The following PDE7B variants were observed in gnomAD, a reference collection of about 807,000 sequenced individuals.
The protein encoded by PDE7B is phosphodiesterase 7B, also known as 3',5'-cyclic-AMP phosphodiesterase 7B.
In PDE7B, 29 loss-of-function variants were observed where a neutral mutation model predicts 56.2. The ratio of observed to expected loss-of-function variants is 0.52; its 90% CI spans 0.38 to 0.70. The LOEUF (loss-of-function observed/expected upper bound fraction) is 0.70. Among genes scored for constraint, PDE7B ranks in the 30% least tolerant of loss-of-function variants. PDE7B has a pLI of 0.00. For synonymous variants in PDE7B, 197 were observed against 196.9 expected, an observed-to-expected ratio of 1.00 and a Z score of 0.00; for missense variants, 490 against 565.0, an observed-to-expected ratio of 0.87 and a Z score of 1.35.
In PDE7B at chr6:136,078,766, T is replaced by A. The variant is rs115052414; in HGVS notation, c.83-29965T>A. ...TATATTTAGAAAGTACATATACATTTTAAACTTAATAATGTTGAAAGATAT... is the reference window on the plus strand; with the variant it reads ...TATATTTAGAAAGTACATATACATTATAAACTTAATAATGTTGAAAGATAT... On this transcript the variant is annotated intron_variant, in intron 2 of 12. Transcript: ENST00000308191. Among the ~76,000 whole-genome samples, 903 of 152,208 alleles carry A rather than the reference T, an allele frequency of 5.9e-3. 11 individuals are homozygous for A. The highest frequency in any genetic ancestry group is 0.021 in the African/African-American group (860 of 41,518).
chr6:136,005,389 A>C (rs1037519999), intron 2 of PDE7B, among the ~76,000 whole-genome samples: 1 of 152,116 alleles, frequency 6.6e-6, no homozygotes, highest in African/African-American at 2.4e-5. Flanking sequence ...CTGCACAGCA[A>C]AAGAAACTAC....
In PDE7B at chr6:136,171,264, G is replaced by T. The variant is rs544424305; in HGVS notation, c.712-2533G>T. ...AGGACAGGAATGTTAAGATAATTGA[G>T]CAAGGAAGCAATTGTAGATTCCAAC... On this transcript the variant is annotated intron_variant, in intron 8 of 12. Transcript: ENST00000308191. Among the ~76,000 whole-genome samples, 178 of 152,264 alleles carry T rather than the reference G, an allele frequency of 1.2e-3. 1 individual carries two copies. Among genetic ancestry groups the T allele is most frequent in the African/African-American group, 4.1e-3 (170 of 41,558 alleles).
At chr6:136,103,947 G>A (rs1777605016) in intron 2 of PDE7B, among the ~76,000 whole-genome samples, 1 of 152,166 alleles carries the variant, frequency 6.6e-6, no homozygotes, top group South Asian at 2.1e-4. Flanking sequence ...CTCTTTGCCA[G>A]TTACATAAGA....
chr6:136,096,269 C>T (rs1311099155), intron 2 of PDE7B: 1 of 152,140 alleles, frequency 6.6e-6, no homozygotes, highest in Non-Finnish European at 1.5e-5. Context: ...TCTTTTCTTG[C>T]AGTATTTGGC....
chr6:135,947,473 G>A lies in PDE7B; in HGVS notation c.31G>A (p.Glu11Lys), dbSNP rs574015160. 6.8e-6 allele frequency: 11 copies of A among 1,611,812 alleles called. No individual in the cohort carries two copies. The highest frequency in any genetic ancestry group is 3.3e-5 in the Admixed American group (2 of 59,952). Reference sequence around the variant, plus strand: ...TATCTTTCTATTTCAGAGGTGTGGCGAAATCTTGTTTGAGAACCCCGATCA... The same window carrying A: ...TATCTTTCTATTTCAGAGGTGTGGCAAAATCTTGTTTGAGAACCCCGATCA... MSCLMVERCGEILFENPDQNA... is the reference protein window; with the variant it reads MSCLMVERCGKILFENPDQNA... The change falls in exon 2 of 13, where the codon GAA (glutamate) becomes AAA (lysine). Residue 11 changes from glutamate to lysine, a missense_variant. By Grantham distance (56) the Glu-to-Lys change is moderately conservative. Coordinates refer to ENST00000308191, the MANE Select transcript of PDE7B (RefSeq NM_018945.4).
chr6:136,012,466 AC>A (rs1245917544), intron 2 of PDE7B, among the ~76,000 whole-genome samples: 1 of 152,232 alleles, frequency 6.6e-6, no homozygotes, highest in African/African-American at 2.4e-5. Flanking sequence ...TACTCATTTT[AC>A]TAATACAACC....
At position 135,925,229 on chromosome 6, in the gene PDE7B, AGT is replaced by A. The variant is rs1450335444; in HGVS notation, c.22-22234_22-22233del. Among the ~76,000 whole-genome samples, 7 of 152,286 alleles carry A rather than the reference AGT, an allele frequency of 4.6e-5. No individual in the cohort carries two copies. The South Asian group carries it at 1.5e-3, about 32-fold the overall frequency. On this transcript the variant is annotated intron_variant, in intron 1 of 12. Transcript: ENST00000308191. Reference sequence around the variant, plus strand: ...ACTGCCAAGGGTTCAACTTGGAAAGAGTCAGTAACAGGGTCCTCAGGCAGTTT... The same window carrying A: ...ACTGCCAAGGGTTCAACTTGGAAAGACAGTAACAGGGTCCTCAGGCAGTTT...
chr6:136,019,927 A>G (rs1776042475), intron 2 of PDE7B, among the ~76,000 whole-genome samples: 1 of 152,168 alleles, frequency 6.6e-6, no homozygotes, highest in African/African-American at 2.4e-5. Flanking sequence ...GAAGGGGGAA[A>G]TTTGTTGTCT....
chr6:135,900,056 T>G (rs1425866169), intron 1 of PDE7B, among the ~76,000 whole-genome samples: 1 of 152,194 alleles, frequency 6.6e-6, no homozygotes, highest in East Asian at 1.9e-4. Context: ...TGTCTAAAGT[T>G]AGTCTGACAT....
At chr6:136,144,765 C>T (rs1279138278) in intron 3 of PDE7B, among the ~76,000 whole-genome samples, 1 of 151,968 alleles carries the variant, frequency 6.6e-6, no homozygotes, top group East Asian at 1.9e-4. Flanking sequence ...GTGAAGTGTC[C>T]TTCAACAATT....
rs531690825 is a variant in PDE7B at position 135,943,632 on chromosome 6, C to T, written c.22-3832C>T. 7.9e-5 allele frequency among the ~76,000 whole-genome samples: 12 copies of T among 152,224 alleles called. No individual in the cohort carries two copies. In the East Asian group the frequency reaches 1.5e-3, roughly 20 times the overall value. On this transcript the variant is annotated intron_variant, in intron 1 of 12. Transcript: ENST00000308191. ...TCTACTCTGCTAAAAGAGTACAATGCGAGTGTGAAAAGTAGAGGCACAGCA... is the reference window on the plus strand; with the variant it reads ...TCTACTCTGCTAAAAGAGTACAATGTGAGTGTGAAAAGTAGAGGCACAGCA...
intron 6 of PDE7B, 62 bp downstream of exon 6, chr6:136,151,317 C>T: frequency 1.2e-6 from 1 of 823,376 alleles, no homozygotes; most frequent in South Asian, 1.4e-5. Context: ...GCATAATACT[C>T]TTTAATATAA....
intron 3 of PDE7B, among the ~76,000 whole-genome samples, chr6:136,138,184 A>G (rs1444617521): frequency 6.6e-6 from 1 of 152,156 alleles, no homozygotes; most frequent in African/African-American, 2.4e-5. Flanking sequence ...TTAGCGAGCT[A>G]TCTGTAAGAT....
intron 2 of PDE7B, among the ~76,000 whole-genome samples, chr6:136,079,297 C>T (rs777053463): frequency 1.1e-4 from 17 of 152,138 alleles, no homozygotes; most frequent in Non-Finnish European, 2.1e-4. Context: ...TTTGAAAAAC[C>T]GTCACTTTAT....
chr6:136,139,162 T>C (rs369149196), intron 3 of PDE7B, among the ~76,000 whole-genome samples: 1 of 152,110 alleles, frequency 6.6e-6, no homozygotes, highest in Admixed American at 6.5e-5. Context: ...ATGTTCGCCC[T>C]CCTGTGTCCA....
intron 5 of PDE7B, 136 bp from the exon 6 acceptor site, chr6:136,151,024 T>C (rs1189445426): frequency 5.2e-6 from 3 of 572,062 alleles, no homozygotes; most frequent in Non-Finnish European, 9.2e-6. Context: ...GCTCTATCCT[T>C]GAATAATTTC....
At chr6:136,099,622 TG>T (rs1269778980) in intron 2 of PDE7B, among the ~76,000 whole-genome samples, 10 of 152,320 alleles carry the variant, frequency 6.6e-5, no homozygotes, top group African/African-American at 1.9e-4. Flanking sequence ...TTGATGGGGT[TG>T]TTTTTTTTCT....
At chr6:136,023,295 A>T (rs1382865778) in intron 2 of PDE7B, among the ~76,000 whole-genome samples, 1 of 152,204 alleles carries the variant, frequency 6.6e-6, no homozygotes. Flanking sequence ...AGATCCCAGG[A>T]CGAGCAGGAC....
chr6:136,048,089 T>TAGACAGAC (rs66718715), intron 2 of PDE7B, among the ~76,000 whole-genome samples: 1,900 of 149,560 alleles, frequency 0.013, 41 homozygotes, highest in African/African-American at 0.043. Flanking sequence ...GATAGATAGA[T>TAGACAGAC]AGACAGACAG....
Sources: gnomAD v4.1 joint callset for allele counts (sites outside exome capture counted in the v4.1 genomes callset) on GRCh38, gnomAD v4.1.1 for gene constraint, MANE v1.5 for transcripts, NCBI Gene and HGNC (gene_info 2026-07-23, HGNC 2026-07-21) for gene names.